The following CRIM1 variants were observed in gnomAD, a reference collection of about 807,000 sequenced individuals.
CRIM1 encodes cysteine-rich motor neuron 1 protein.
CRIM1 carries 32 observed loss-of-function variants against 116.4 expected under a neutral mutation model. The observed-to-expected ratio is 0.27, with a 90% confidence interval of 0.21 to 0.37. The LOEUF (loss-of-function observed/expected upper bound fraction) is 0.37, where lower values mean the gene tolerates loss of function less well. Among genes scored for constraint, CRIM1 ranks in the 10% least tolerant of loss-of-function variants. CRIM1 has a pLI of 1.00. For synonymous variants in CRIM1, 590 were observed against 509.2 expected (o/e 1.16, Z -2.13); for missense variants, 1,331 against 1,354.8 (o/e 0.98, Z 0.28).
At chr2:36,514,136 A>C (rs994238909) in intron 11 of CRIM1, among the ~76,000 whole-genome samples, 3 of 152,216 alleles carry the variant, frequency 2.0e-5, no homozygotes, top group African/African-American at 7.2e-5. Context: ...GATTGGTACT[A>C]GTTTTATCCC....
At chr2:36,362,744 T>C (rs1008228323) in intron 1 of CRIM1, among the ~76,000 whole-genome samples, 7 of 152,180 alleles carry the variant, frequency 4.6e-5, no homozygotes, top group African/African-American at 1.2e-4. Flanking sequence ...CTCTTACGTG[T>C]TTTATCTTGG....
chr2:36,439,542 C>G (rs1675610700), intron 2 of CRIM1, among the ~76,000 whole-genome samples: 1 of 152,284 alleles, frequency 6.6e-6, no homozygotes, highest in East Asian at 1.9e-4. Context: ...CCTGTTTGTC[C>G]TCTCACTGTG....
chr2:36,468,053 C>T (rs981128453), intron 5 of CRIM1, among the ~76,000 whole-genome samples: 3 of 152,108 alleles, frequency 2.0e-5, no homozygotes, highest in African/African-American at 7.2e-5. Context: ...ACAGCTAGAC[C>T]GTAGGTGCTT....
intron 13 of CRIM1, among the ~76,000 whole-genome samples, chr2:36,534,571 GAGGA>G (rs1183541438): frequency 1.4e-5 from 2 of 140,800 alleles, no homozygotes; most frequent in African/African-American, 2.7e-5. Context: ...GGAAGGAAGG[GAGGA>G]AGGAAGGGAG....
intron 1 of CRIM1, among the ~76,000 whole-genome samples, chr2:36,359,308 A>C (rs1035352179): frequency 6.6e-6 from 1 of 152,218 alleles, no homozygotes; most frequent in Non-Finnish European, 1.5e-5. Context: ...AAATATTATC[A>C]TGACTAATCT....
intron 2 of CRIM1, among the ~76,000 whole-genome samples, chr2:36,422,025 A>G (rs1321619504): frequency 6.6e-6 from 1 of 151,900 alleles, no homozygotes; most frequent in Non-Finnish European, 1.5e-5. Flanking sequence ...TTAGGCACTG[A>G]GGCAGATTTT....
intron 11 of CRIM1, 107 bp from the exon 12 acceptor site, chr2:36,517,220 T>C (rs551226563): frequency 2.5e-6 from 2 of 794,764 alleles, no homozygotes; most frequent in East Asian, 2.5e-5. Context: ...AGCGAGATGC[T>C]CTTCACAGTT....
At chr2:36,384,653 A>T (rs1319595613) in intron 1 of CRIM1, among the ~76,000 whole-genome samples, 1 of 152,156 alleles carries the variant, frequency 6.6e-6, no homozygotes, top group East Asian at 1.9e-4. Context: ...ATTCATATGC[A>T]TTTCTTGACA....
chr2:36,421,649 A>C (rs1572694471), intron 2 of CRIM1, among the ~76,000 whole-genome samples: 2 of 152,218 alleles, frequency 1.3e-5, no homozygotes, highest in East Asian at 3.8e-4. Flanking sequence ...TGAGATTCTT[A>C]GGTGGGGACT....
Position 36,517,473 on chromosome 2 carries a change from G to A in CRIM1, c.2137G>A (p.Glu713Lys). Residue 713 changes from glutamate to lysine, a missense_variant, in exon 12 of 17, where the codon GAG (glutamate) becomes AAG (lysine). Transcript: ENST00000280527. Reference protein sequence around the residue: ...CHSGRVLCETEVCPPLLCQNP... With the variant: ...CHSGRVLCETKVCPPLLCQNP... The stretch of plus-strand genomic sequence containing the variant: ...CAGCGGACGGGTGCTGTGTGAGACA[G>A]AGGTGTGCCCACCGCTGCTCTGCCA... 1 of 1,614,232 alleles carries A rather than the reference G, an allele frequency of 6.2e-7. No individual in the cohort carries two copies. Among genetic ancestry groups the A allele is most frequent in the East Asian group, 2.2e-5 (1 of 44,884 alleles).
chr2:36,364,967 G>T (rs1349768061), intron 1 of CRIM1, among the ~76,000 whole-genome samples: 1 of 151,716 alleles, frequency 6.6e-6, no homozygotes, highest in African/African-American at 2.4e-5. Context: ...AGCTTTCTCT[G>T]TAAGTTTAAA....
At chr2:36,393,589 G>A (rs1359205994) in intron 1 of CRIM1, among the ~76,000 whole-genome samples, 1 of 152,114 alleles carries the variant, frequency 6.6e-6, no homozygotes, top group African/African-American at 2.4e-5. Flanking sequence ...ACTATGGTAG[G>A]GGACAACAGG....
At chr2:36,415,967 G>T (rs1304950183) in intron 2 of CRIM1, among the ~76,000 whole-genome samples, 2 of 152,204 alleles carry the variant, frequency 1.3e-5, no homozygotes, top group South Asian at 2.1e-4. Context: ...CAGCACTTTG[G>T]GGGGCCAAGG....
chr2:36,488,612 T>G (rs987265790), intron 7 of CRIM1, among the ~76,000 whole-genome samples: 2 of 152,220 alleles, frequency 1.3e-5, no homozygotes, highest in Admixed American at 6.5e-5. Context: ...ATCAGCAGTT[T>G]GACCAAATTT....
At chr2:36,420,414 G>C (rs1373214723) in intron 2 of CRIM1, among the ~76,000 whole-genome samples, 1 of 152,100 alleles carries the variant, frequency 6.6e-6, no homozygotes, top group East Asian at 1.9e-4. Context: ...GAACCCAGAT[G>C]GTTTCATTCT....
At chr2:36,490,333 G>T (rs2125067459) in intron 7 of CRIM1, among the ~76,000 whole-genome samples, 1 of 152,288 alleles carries the variant, frequency 6.6e-6, no homozygotes, top group Non-Finnish European at 1.5e-5. Flanking sequence ...TAGAAATAAT[G>T]AGTATTCCCA....
intron 13 of CRIM1, among the ~76,000 whole-genome samples, chr2:36,523,688 G>A (rs1218334715): frequency 3.3e-5 from 5 of 152,192 alleles, no homozygotes; most frequent in Non-Finnish European, 5.9e-5. Context: ...TTTATTGTTG[G>A]GGATTTTCCA....
intron 2 of CRIM1, among the ~76,000 whole-genome samples, chr2:36,406,379 T>C (rs1486877986): frequency 6.6e-6 from 1 of 152,132 alleles, no homozygotes; most frequent in Non-Finnish European, 1.5e-5. Flanking sequence ...AATATACTCA[T>C]TGATAGTGGA....
chr2:36,362,328 T>G (rs1471688856), intron 1 of CRIM1, among the ~76,000 whole-genome samples: 1 of 152,158 alleles, frequency 6.6e-6, no homozygotes, highest in Non-Finnish European at 1.5e-5. Context: ...GAATTTGAAT[T>G]TGAACTAGGT....
Sources: gnomAD v4.1 joint callset for allele counts (sites outside exome capture counted in the v4.1 genomes callset) on GRCh38, gnomAD v4.1.1 for gene constraint, MANE v1.5 for transcripts, NCBI Gene and HGNC (gene_info 2026-07-23, HGNC 2026-07-21) for gene names.